Variants in AGAP1 observed in about 807,000 individuals in gnomAD.
The protein encoded by AGAP1 is ArfGAP with GTPase domain, ankyrin repeat and PH domain 1.
In AGAP1, 29 loss-of-function variants were observed where a neutral mutation model predicts 105.3. That is an observed-to-expected ratio of 0.28 (90% CI 0.21 to 0.38). The LOEUF is 0.38. Among genes scored for constraint, AGAP1 ranks in the 10% least tolerant of loss-of-function variants. The pLI, the probability that AGAP1 is intolerant of heterozygous loss-of-function variation, is 1.00. For synonymous variants in AGAP1, 509 were observed against 485.9 expected, an observed-to-expected ratio of 1.05 and a Z score of -0.63; for missense variants, 998 against 1,165.1, an observed-to-expected ratio of 0.86 and a Z score of 2.09.
At chr2:235,820,795 G>A (rs1559527435) in intron 9 of AGAP1, among the ~76,000 whole-genome samples, 1 of 152,216 alleles carries the variant, frequency 6.6e-6, no homozygotes, top group Non-Finnish European at 1.5e-5. Context: ...CTGGTTGGGT[G>A]TGTTGGCCTT....
intron 9 of AGAP1, among the ~76,000 whole-genome samples, chr2:235,816,888 A>G (rs962502329): frequency 2.6e-5 from 2 of 76,226 alleles, no homozygotes; most frequent in African/African-American, 4.3e-5. Context: ...CAAAAAGAAG[A>G]AAAAAAAAAA....
chr2:235,696,238 G>T (rs1234822381), intron 1 of AGAP1, among the ~76,000 whole-genome samples: 2 of 152,178 alleles, frequency 1.3e-5, no homozygotes, highest in Non-Finnish European at 2.9e-5. Flanking sequence ...TAGAGACAGG[G>T]TTTCTCCATG....
intron 6 of AGAP1, among the ~76,000 whole-genome samples, chr2:235,762,434 G>A (rs960776656): frequency 7.2e-6 from 1 of 137,948 alleles, no homozygotes; most frequent in African/African-American, 2.6e-5. Context: ...TTGGGTTCTG[G>A]AATCGGGTGA....
intron 6 of AGAP1, among the ~76,000 whole-genome samples, chr2:235,761,153 C>T (rs2696397): frequency 0.28 from 42,549 of 152,008 alleles, 6,270 homozygotes; most frequent in Admixed American, 0.41. Context: ...AAGGTTGATG[C>T]TGCAAACAAC....
In AGAP1 at chr2:235,959,500, C is replaced by T. The variant is rs1286823640; in HGVS notation, c.1484-8962C>T. Among the ~76,000 whole-genome samples, 6 of 152,152 alleles carry T rather than the reference C, an allele frequency of 3.9e-5. No homozygotes were observed. Among genetic ancestry groups the T allele is most frequent in the Admixed American group, 6.5e-5 (1 of 15,274 alleles). ...GTGGCCGAGCTCAGCGCCCAGTGGACGGGAACCCGGTCCTTCTTGCCATGA... is the reference window on the plus strand; with the variant it reads ...GTGGCCGAGCTCAGCGCCCAGTGGATGGGAACCCGGTCCTTCTTGCCATGA... On this transcript the variant is annotated intron_variant, in intron 12 of 17. Coordinates refer to ENST00000304032, the MANE Select transcript of AGAP1 (RefSeq NM_001037131.3). This position sits in a 1 kb window ranked among gnomAD's most constrained non-coding sequence, Gnocchi z 7.3.
intron 1 of AGAP1, among the ~76,000 whole-genome samples, chr2:235,567,929 A>G (rs1452173231): frequency 2.6e-5 from 4 of 152,154 alleles, no homozygotes; most frequent in Admixed American, 2.6e-4. Flanking sequence ...TAGAGGATGC[A>G]CTGGCGCAGA....
Position 236,001,846 on chromosome 2 carries a change from C to G in AGAP1, c.1645+33223C>G, listed in dbSNP as rs2056135111. Among the ~76,000 whole-genome samples, 1 of 152,208 alleles carries G rather than the reference C, an allele frequency of 6.6e-6. No individual in the cohort carries two copies. The highest frequency in any genetic ancestry group is 2.4e-5 in the African/African-American group (1 of 41,448). On this transcript the variant is annotated intron_variant, in intron 13 of 17. Transcript: ENST00000304032. The surrounding 1 kb of genome is among the most constrained non-coding windows in gnomAD (Gnocchi z 4.7). ...TGGTCTCTAATAGGTTATGCCAGCC[C>G]CTCTCGTTGGGCATTGAAATTGCCT... is the stretch of plus-strand genomic sequence containing the variant.
chr2:235,763,153 G>C (rs915811757), intron 6 of AGAP1, among the ~76,000 whole-genome samples: 5 of 152,006 alleles, frequency 3.3e-5, no homozygotes, highest in African/African-American at 1.2e-4. Context: ...TACACGTGGA[G>C]CATCCCTAAT....
At position 235,883,402 on chromosome 2, in the gene AGAP1, G is replaced by A. The variant is rs2050126467; in HGVS notation, c.1108G>A (p.Val370Ile). The change falls in exon 10 of 18, where the codon GTC (valine) becomes ATC (isoleucine). Residue 370 changes from valine to isoleucine, a missense_variant. Val to Ile is a conservative substitution (Grantham distance 29). Transcript: ENST00000304032. The surrounding 1 kb of genome is among the most constrained non-coding windows in gnomAD (Gnocchi z 4.5). ...GAATAAAGAGTGGAAAAAGAAATAT[G>A]TCACCCTGTGTGACAATGGCGTGCT... ...SLNKEWKKKY[V>I]TLCDNGVLTY... 2 of 1,613,970 alleles carry A rather than the reference G, an allele frequency of 1.2e-6. No individual in the cohort carries two copies. The highest frequency in any genetic ancestry group is 1.7e-5 in the Admixed American group (1 of 59,962).
chr2:235,678,305 T>C (rs1016542198), intron 1 of AGAP1, among the ~76,000 whole-genome samples: 46 of 152,338 alleles, frequency 3.0e-4, no homozygotes, highest in African/African-American at 1.1e-3. Context: ...GAAGACACTC[T>C]GGATGTGTAA....
chr2:235,638,123 G>A (rs903784825), intron 1 of AGAP1, among the ~76,000 whole-genome samples: 4 of 152,172 alleles, frequency 2.6e-5, no homozygotes, highest in African/African-American at 7.2e-5. Flanking sequence ...AAACTGACAC[G>A]TAACATTAAC....
chr2:235,920,719 A>G (rs1271804954), intron 11 of AGAP1, among the ~76,000 whole-genome samples: 1 of 152,256 alleles, frequency 6.6e-6, no homozygotes, highest in South Asian at 2.1e-4. Context: ...CACCATTACA[A>G]GGGAAACATA....
intron 13 of AGAP1, among the ~76,000 whole-genome samples, chr2:235,969,049 C>T (rs1440041405): frequency 1.3e-5 from 2 of 152,206 alleles, no homozygotes; most frequent in African/African-American, 4.8e-5. Flanking sequence ...TAACCAGACA[C>T]CTGCCTTGAT....
intron 16 of AGAP1, among the ~76,000 whole-genome samples, chr2:236,091,741 C>T (rs953087918): frequency 6.6e-6 from 1 of 152,234 alleles, no homozygotes; most frequent in Non-Finnish European, 1.5e-5. Context: ...CACTGAACTC[C>T]AGCCTGGGCA....
Position 235,971,162 on chromosome 2 carries a change from CATAAGTT to C in AGAP1, c.1645+2542_1645+2548del, listed in dbSNP as rs1020848082. ...GACATCTTTCCAATAGCAAATAAGT[CATAAGTT>C]ATTTATAAAAAGAAAATGTATCATT... On this transcript the variant is annotated intron_variant, in intron 13 of 17. Coordinates refer to ENST00000304032, the MANE Select transcript of AGAP1 (RefSeq NM_001037131.3). This position sits in a 1 kb window ranked among gnomAD's most constrained non-coding sequence, Gnocchi z 4.8. 2.0e-5 allele frequency among the ~76,000 whole-genome samples: 3 copies of C among 152,086 alleles called. No individual in the cohort carries two copies. Among genetic ancestry groups the C allele is most frequent in the Non-Finnish European group, 4.4e-5 (3 of 68,014 alleles).
chr2:235,861,142 T>TA (rs2048912593), intron 9 of AGAP1, among the ~76,000 whole-genome samples: 1 of 152,270 alleles, frequency 6.6e-6, no homozygotes, highest in Non-Finnish European at 1.5e-5. Flanking sequence ...AGCTTGCTGA[T>TA]ACAATATTTG....
chr2:235,889,649 T>A lies in AGAP1; in HGVS notation c.1155+6200T>A, dbSNP rs2050437794. Among the ~76,000 whole-genome samples the A allele has an allele frequency of 6.6e-6, 1 of 151,614 alleles. No individual in the cohort carries two copies. Among genetic ancestry groups the A allele is most frequent in the Non-Finnish European group, 1.5e-5 (1 of 67,932 alleles). On this transcript the variant is annotated intron_variant, in intron 10 of 17. Coordinates refer to ENST00000304032, the MANE Select transcript of AGAP1 (RefSeq NM_001037131.3). The surrounding 1 kb of genome is among the most constrained non-coding windows in gnomAD (Gnocchi z 4.6). The stretch of plus-strand genomic sequence containing the variant: ...CCTTTGACTTGCAGCTCAGCCTCAC[T>A]CTGTCCTTTACTTAGGACATAAGCT...
intron 2 of AGAP1, among the ~76,000 whole-genome samples, chr2:235,709,812 C>T (rs998472194): frequency 3.3e-5 from 5 of 152,198 alleles, no homozygotes; most frequent in Non-Finnish European, 7.3e-5. Context: ...AGTGGTCCAT[C>T]GCAGCCACCC....
intron 1 of AGAP1, among the ~76,000 whole-genome samples, chr2:235,675,088 A>G (rs543427643): frequency 6.6e-6 from 1 of 152,164 alleles, no homozygotes; most frequent in East Asian, 1.9e-4. Context: ...CACAGCAATT[A>G]AATGAAATAA....
Sources: gnomAD v4.1 joint callset for allele counts (sites outside exome capture counted in the v4.1 genomes callset) on GRCh38, gnomAD v4.1.1 for gene constraint, Gnocchi (gnomAD v3.1) non-coding constraint, MANE v1.5 for transcripts, NCBI Gene and HGNC (gene_info 2026-07-23, HGNC 2026-07-21) for gene names.